Variants in VAV3 observed in about 807,000 individuals in gnomAD.
The protein encoded by VAV3 is guanine nucleotide exchange factor VAV3.
VAV3 carries 94 observed loss-of-function variants against 131.2 expected under a neutral mutation model. The observed-to-expected ratio is 0.72, with a 90% CI of 0.61 to 0.85. VAV3 has a LOEUF of 0.85. VAV3 is among the 40% of genes least tolerant of loss of function. The pLI, the probability that VAV3 is intolerant of heterozygous loss-of-function variation, is 0.00. For synonymous variants in VAV3, 349 were observed against 342.0 expected, an observed-to-expected ratio of 1.02 and a Z score of -0.22; for missense variants, 939 against 1,002.7, an observed-to-expected ratio of 0.94 and a Z score of 0.86.
intron 17 of VAV3, among the ~76,000 whole-genome samples, chr1:107,692,183 A>G (rs979177799): frequency 6.6e-6 from 1 of 152,182 alleles, no homozygotes; most frequent in Non-Finnish European, 1.5e-5. Context: ...GCTTGGACTG[A>G]TCAAATTTTG....
chr1:107,744,676 T>C (rs892480203), intron 15 of VAV3, among the ~76,000 whole-genome samples: 1 of 152,238 alleles, frequency 6.6e-6, no homozygotes, highest in African/African-American at 2.4e-5. Flanking sequence ...ATTATACTTC[T>C]TTATTTTTTA....
intron 20 of VAV3, among the ~76,000 whole-genome samples, chr1:107,631,826 C>T (rs1378980172): frequency 6.6e-6 from 1 of 151,938 alleles, no homozygotes; most frequent in African/African-American, 2.4e-5. Flanking sequence ...TTTATGGCTG[C>T]ATAGTATTTC....
intron 1 of VAV3, among the ~76,000 whole-genome samples, chr1:107,901,078 G>A (rs1048296949): frequency 3.9e-5 from 6 of 152,054 alleles, no homozygotes; most frequent in South Asian, 2.1e-4. Flanking sequence ...AATATAAATC[G>A]GACCACCATG....
chr1:107,788,605 G>A (rs1351157100), intron 2 of VAV3, among the ~76,000 whole-genome samples: 2 of 152,146 alleles, frequency 1.3e-5, no homozygotes, highest in African/African-American at 4.8e-5. Context: ...CTCATACACT[G>A]TTTTACCATC....
Position 107,705,065 on chromosome 1 carries a change from A to G in VAV3, c.1503-4T>C, listed in dbSNP as rs1256761231. 8 of 1,595,210 alleles carry G rather than the reference A, an allele frequency of 5.0e-6. No individual in the cohort carries two copies. Among genetic ancestry groups the G allele is most frequent in the Middle Eastern group, 3.3e-4 (2 of 6,032 alleles). On this transcript the variant is annotated splice_polypyrimidine_tract_variant and splice_region_variant and intron_variant, in intron 15 of 26. Transcript: ENST00000370056. Reference sequence around the variant, plus strand: ...ATAGTCTGGTCTTATGTTAGACCTAAAAAAAGGAAAAAAATAACTTTCTAT... The same window carrying G: ...ATAGTCTGGTCTTATGTTAGACCTAGAAAAAGGAAAAAAATAACTTTCTAT...
chr1:107,666,185 T>A (rs553651331), intron 19 of VAV3, among the ~76,000 whole-genome samples: 1 of 152,248 alleles, frequency 6.6e-6, no homozygotes, highest in South Asian at 2.1e-4. Context: ...GTATTTGAAA[T>A]CATGAAATCC....
At chr1:107,662,133 T>C (rs781539339) in intron 19 of VAV3, among the ~76,000 whole-genome samples, 1 of 152,158 alleles carries the variant, frequency 6.6e-6, no homozygotes, top group African/African-American at 2.4e-5. Context: ...GTGTTATTTT[T>C]AAAAAATGAA....
intron 2 of VAV3, among the ~76,000 whole-genome samples, chr1:107,834,987 G>C (rs1252001960): frequency 1.3e-5 from 2 of 152,138 alleles, no homozygotes; most frequent in Non-Finnish European, 2.9e-5. Context: ...AGCCTGCATG[G>C]AACCCAGGGG....
intron 2 of VAV3, among the ~76,000 whole-genome samples, chr1:107,817,316 A>C (rs1284094640): frequency 6.6e-6 from 1 of 152,072 alleles, no homozygotes; most frequent in East Asian, 1.9e-4. Flanking sequence ...AGAGAAGGGC[A>C]TTGGGTGTAC....
chr1:107,613,623 T>C (rs972316948), intron 21 of VAV3, among the ~76,000 whole-genome samples: 3 of 152,144 alleles, frequency 2.0e-5, no homozygotes, highest in African/African-American at 4.8e-5. Flanking sequence ...GAATTTAGTA[T>C]CTAAAATTCA....
intron 1 of VAV3, among the ~76,000 whole-genome samples, chr1:107,930,950 G>T (rs1322722521): frequency 1.3e-5 from 2 of 152,142 alleles, no homozygotes; most frequent in African/African-American, 4.8e-5. Context: ...ACAAGTTAAT[G>T]ACACCATGAG....
At chr1:107,713,849 T>C (rs1347083105) in intron 15 of VAV3, among the ~76,000 whole-genome samples, 1 of 152,098 alleles carries the variant, frequency 6.6e-6, no homozygotes, top group African/African-American at 2.4e-5. Context: ...CACTTATACA[T>C]CATCACCTAA....
intron 26 of VAV3, among the ~76,000 whole-genome samples, 174 bp from the exon 27 acceptor site, chr1:107,573,546 C>G (rs1404197495): frequency 6.6e-6 from 1 of 151,974 alleles, no homozygotes; most frequent in African/African-American, 2.4e-5. Flanking sequence ...AGTAAATGAT[C>G]GAAATGGAGG....
At chr1:107,669,843 G>A (rs1366123413) in intron 19 of VAV3, among the ~76,000 whole-genome samples, 1 of 152,176 alleles carries the variant, frequency 6.6e-6, no homozygotes, top group East Asian at 1.9e-4. Flanking sequence ...ACTCCTTAGA[G>A]GAGAGAGTAA....
At chr1:107,945,690 C>T (rs9435348) in intron 1 of VAV3, among the ~76,000 whole-genome samples, 144,240 of 151,856 alleles carry the variant, frequency 0.95, 68,907 homozygotes, top group East Asian at 1. Context: ...GGCGTGGTGG[C>T]GGGCACCTGT....
chr1:107,820,552 A>C (rs929742560), intron 2 of VAV3, among the ~76,000 whole-genome samples: 1 of 152,196 alleles, frequency 6.6e-6, no homozygotes, highest in South Asian at 2.1e-4. Flanking sequence ...ATTTGATAAC[A>C]CAACAGAGTG....
chr1:107,655,708 T>TGACA (rs1405372124), intron 19 of VAV3, among the ~76,000 whole-genome samples: 1 of 152,138 alleles, frequency 6.6e-6, no homozygotes, highest in East Asian at 1.9e-4. Context: ...AACATTCATC[T>TGACA]GACAGGGAAT....
chr1:107,573,219 A>T lies in VAV3; in HGVS notation c.*112T>A. 1 of 1,234,426 alleles carries T rather than the reference A, an allele frequency of 8.1e-7. No homozygotes were observed. Among genetic ancestry groups the T allele is most frequent in the South Asian group, 1.4e-5 (1 of 69,382 alleles). 76.5% of individuals were successfully genotyped at this position (1,234,426 alleles called of 1,614,324 possible). A position where few individuals can be genotyped will look rare whatever the true frequency, so the allele number is the denominator to read the frequency against. On this transcript the variant is annotated 3_prime_UTR_variant, in exon 27 of 27. Transcript: ENST00000370056. The stretch of plus-strand genomic sequence containing the variant: ...AGGGGCTAAGGAGGGAGGATGTTGA[A>T]CAGCCAGAAATGCAGCTTTTTAAAC...
At chr1:107,674,664 TG>T in intron 19 of VAV3, among the ~76,000 whole-genome samples, 2 of 152,304 alleles carry the variant, frequency 1.3e-5, no homozygotes, top group Middle Eastern at 6.8e-3. Flanking sequence ...TGACCTTGGT[TG>T]AAGTACTTAA....
Sources: gnomAD v4.1 joint callset for allele counts (sites outside exome capture counted in the v4.1 genomes callset) on GRCh38, gnomAD v4.1.1 for gene constraint, MANE v1.5 for transcripts, NCBI Gene and HGNC (gene_info 2026-07-23, HGNC 2026-07-21) for gene names.